Variants in KIAA0586 observed in about 807,000 individuals in gnomAD.
KIAA0586 encodes KIAA0586, also known as protein TALPID3.
A neutral mutation model predicts 169.8 loss-of-function variants in KIAA0586; 144 were observed. The observed-to-expected ratio is 0.85, with a 90% CI of 0.74 to 0.97. The LOEUF (loss-of-function observed/expected upper bound fraction) is 0.97, where lower values mean the gene tolerates loss of function less well. Ranked by LOEUF, KIAA0586 falls within the 50% of genes least tolerant of loss-of-function variation. KIAA0586 has a pLI of 0.00. For synonymous variants in KIAA0586, 625 were observed against 612.4 expected (o/e 1.02, Z -0.30); for missense variants, 1,854 against 1,823.0 (o/e 1.02, Z -0.31).
At position 58,508,723 on chromosome 14, in the gene KIAA0586, A is replaced by G; in HGVS notation, c.4323+14A>G. On this transcript the variant is annotated intron_variant, in intron 28 of 30. Coordinates refer to ENST00000652326, the MANE Select transcript of KIAA0586 (RefSeq NM_001329943.3). ...GATTTTTCCCAGGTACCAAATTAATAGCACTTGTATTTTACTTAAAATGAG... is the reference window on the plus strand; with the variant it reads ...GATTTTTCCCAGGTACCAAATTAATGGCACTTGTATTTTACTTAAAATGAG... The G allele has an allele frequency of 1.3e-6, 2 of 1,562,434 alleles. No homozygotes were observed. Among genetic ancestry groups the G allele is most frequent in the Non-Finnish European group, 1.7e-6 (2 of 1,149,162 alleles).
At chr14:58,451,592 A>G (rs2039394204) in intron 8 of KIAA0586, among the ~76,000 whole-genome samples, 1 of 152,162 alleles carries the variant, frequency 6.6e-6, no homozygotes. Context: ...TTTTTAGAGC[A>G]TGCTTCCTCA....
chr14:58,427,711 C>T (rs991790929), upstream of KIAA0586: 9 of 1,534,958 alleles, frequency 5.9e-6, no homozygotes, highest in Non-Finnish European at 7.0e-6. Context: ...GACCTGCGGG[C>T]AACTGACGCT....
chr14:58,492,386 C>A, intron 26 of KIAA0586, 111 bp downstream of exon 26: 2 of 789,726 alleles, frequency 2.5e-6, no homozygotes, highest in South Asian at 4.6e-5. Flanking sequence ...TTTCAAGGGT[C>A]AGTGTTACAG....
intron 24 of KIAA0586, 105 bp from the exon 25 acceptor site, chr14:58,490,031 CTTGTTTATAAACTTTGCCAGTATTTCCA>C: frequency 2.0e-6 from 1 of 499,992 alleles, no homozygotes; most frequent in Non-Finnish European, 3.4e-6. Flanking sequence ...TTGTGAATTA[CTTGTTTATAAACTTTGCCAGTATTTCCA>C]TTGCAGTATA....
chr14:58,522,008 A>G, intron 29 of KIAA0586: 1 of 1,276,288 alleles, frequency 7.8e-7, no homozygotes, highest in Non-Finnish European at 1.1e-6. Flanking sequence ...AGTGGGGTTT[A>G]GAAATCTTAT....
chr14:58,457,399 C>G (rs2039955872), intron 10 of KIAA0586, among the ~76,000 whole-genome samples: 1 of 152,160 alleles, frequency 6.6e-6, no homozygotes, highest in Non-Finnish European at 1.5e-5. Context: ...TCCTGAGCAG[C>G]TGGGATTACA....
Position 58,448,394 on chromosome 14 carries a change from C to A in KIAA0586, c.862C>A (p.Pro288Thr). 6.2e-7 allele frequency: 1 copy of A among 1,607,828 alleles called. No homozygotes were observed. Among genetic ancestry groups the A allele is most frequent in the Non-Finnish European group, 8.5e-7 (1 of 1,174,658 alleles). Residue 288 changes from proline (P) to threonine (T), a missense_variant, in exon 7 of 31, where the codon CCC becomes ACC. Coordinates refer to ENST00000652326, the MANE Select transcript of KIAA0586 (RefSeq NM_001329943.3). ...TAGTAGTTTTCAGCCTGTTAGTATG[C>A]CCTCCTCCAGAGCAGTGGAAAAGTA... is the stretch of plus-strand genomic sequence containing the variant. ...KTSSFQPVSM[P>T]SSRAVEKYSV...
chr14:58,457,751 C>A lies in KIAA0586; in HGVS notation c.1363-8C>A. On this transcript the variant is annotated splice_polypyrimidine_tract_variant and splice_region_variant and intron_variant, in intron 10 of 30. Transcript: ENST00000652326. ...TTTAGTAACTTTCTGGTCTTTTTTT[C>A]TTTTAAGCCAAAAGAATCTCTGAGT... 1.3e-6 allele frequency: 2 copies of A among 1,560,600 alleles called. No individual in the cohort carries two copies.
intron 2 of KIAA0586, among the ~76,000 whole-genome samples, chr14:58,430,387 A>G (rs1314287821): frequency 6.6e-6 from 1 of 152,148 alleles, no homozygotes; most frequent in Non-Finnish European, 1.5e-5. Context: ...AACTGGTTTG[A>G]GTCTGAATCT....
chr14:58,492,400 C>CT, intron 26 of KIAA0586, 125 bp downstream of exon 26: 1 of 684,206 alleles, frequency 1.5e-6, no homozygotes, highest in Non-Finnish European at 2.3e-6. Context: ...GTTACAGCAA[C>CT]TTTAACTTGG....
chr14:58,482,121 G>C (rs2042070310), intron 20 of KIAA0586, among the ~76,000 whole-genome samples: 1 of 151,790 alleles, frequency 6.6e-6, no homozygotes, highest in South Asian at 2.1e-4. Context: ...CGGCATCTCT[G>C]AACTTTTAAG....
chr14:58,523,750 G>T (rs965208607), intron 29 of KIAA0586, among the ~76,000 whole-genome samples: 2 of 145,898 alleles, frequency 1.4e-5, no homozygotes, highest in East Asian at 3.9e-4. Context: ...TTATTATTGA[G>T]ATGGGGTCTT....
intron 29 of KIAA0586, among the ~76,000 whole-genome samples, chr14:58,536,298 C>T (rs181508935): frequency 1.3e-5 from 2 of 152,180 alleles, no homozygotes; most frequent in Admixed American, 6.5e-5. Context: ...ACCCTGCCCC[C>T]CCTTCGCTGG....
At chr14:58,427,601 A>G (rs969146030), upstream of KIAA0586, 5 of 1,535,534 alleles carry the variant, frequency 3.3e-6, no homozygotes, top group African/African-American at 5.5e-5. Context: ...ATGGAAGAGC[A>G]CCAGAGAGCG....
intron 30 of KIAA0586, among the ~76,000 whole-genome samples, chr14:58,543,120 A>T (rs1471687140): frequency 7.6e-6 from 1 of 131,942 alleles, no homozygotes; most frequent in Non-Finnish European, 1.6e-5. Context: ...TGACAAAACG[A>T]GATTACGTCT....
intron 29 of KIAA0586, chr14:58,521,413 G>C (rs572303344): frequency 3.0e-5 from 25 of 823,676 alleles, no homozygotes; most frequent in Non-Finnish European, 4.2e-5. Flanking sequence ...AGAAATGCCC[G>C]GGCCGCTGTA....
At position 58,512,558 on chromosome 14, in the gene KIAA0586, G is replaced by C; in HGVS notation, c.4360G>C (p.Glu1454Gln). 1 of 1,544,844 alleles carries C rather than the reference G, an allele frequency of 6.5e-7. No homozygotes were observed. The highest frequency in any genetic ancestry group is 8.7e-7 in the Non-Finnish European group (1 of 1,153,496). ...LKQNQDVKQV[E>Q]HKPSQSYLRV... is the part of the protein sequence containing the mutation. ...GCAAAATCAGGATGTTAAGCAAGTT[G>C]AACACAAACCATCACAAAGTTACCT... is the stretch of plus-strand genomic sequence containing the variant. Residue 1454 changes from glutamate to glutamine, a missense_variant, in exon 29 of 31, where the codon GAA becomes CAA. By Grantham distance (29) the Glu-to-Gln change is conservative. Transcript: ENST00000652326.
intron 9 of KIAA0586, among the ~76,000 whole-genome samples, chr14:58,455,496 T>C (rs2039749146): frequency 6.6e-6 from 1 of 152,186 alleles, no homozygotes; most frequent in African/African-American, 2.4e-5. Context: ...TGCTAGTTAT[T>C]GTTGTTGTTG....
chr14:58,505,572 T>C (rs1163420974), intron 27 of KIAA0586, among the ~76,000 whole-genome samples: 1 of 152,194 alleles, frequency 6.6e-6, no homozygotes, highest in East Asian at 1.9e-4. Context: ...AACCAATTTA[T>C]TTTTATCGGC....
Sources: allele counts gnomAD v4.1 joint callset (sites outside exome capture counted in the v4.1 genomes callset), GRCh38; gene constraint gnomAD v4.1.1; transcripts MANE v1.5; gene names NCBI Gene and HGNC (gene_info 2026-07-23, HGNC 2026-07-21).